Variants in CACNA1I observed in about 807,000 individuals in gnomAD.
The protein encoded by CACNA1I is calcium voltage-gated channel subunit alpha1 I.
CACNA1I carries 74 observed loss-of-function variants against 201.6 expected under a neutral mutation model. The observed-to-expected ratio is 0.37, with a 90% CI of 0.30 to 0.45. CACNA1I has a LOEUF of 0.45. CACNA1I is among the 20% of genes least tolerant of loss of function. CACNA1I has a pLI of 1.00. For synonymous variants in CACNA1I, 1,431 were observed against 1,345.2 expected, an observed-to-expected ratio of 1.06 and a Z score of -1.40; for missense variants, 2,346 against 3,138.1, an observed-to-expected ratio of 0.75 and a Z score of 6.03.
Position 39,634,581 on chromosome 22 carries a change from G to A in CACNA1I, c.597G>A (p.Val199=). 6.2e-7 allele frequency: 1 copy of A among 1,613,896 alleles called. No homozygotes were observed. Among genetic ancestry groups the A allele is most frequent in the Admixed American group, 1.7e-5 (1 of 60,016 alleles). Residue 199 remains valine, a synonymous_variant, in exon 5 of 37, where the codon GTG becomes GTA. Coordinates refer to ENST00000402142, the MANE Select transcript of CACNA1I (RefSeq NM_021096.4). ...CCCTCCCAGGTATGCGGATCCTGGT[G>A]AACCTGCTCCTGGACACACTGCCCA... The part of the protein sequence containing the change: ...INRVPSMRIL[V]NLLLDTLPML...
intron 16 of CACNA1I, among the ~76,000 whole-genome samples, 189 bp from the exon 17 acceptor site, chr22:39,661,776 G>A (rs1935019010): frequency 6.6e-6 from 1 of 152,256 alleles, no homozygotes; most frequent in Non-Finnish European, 1.5e-5. Context: ...GTGCCCCCAT[G>A]TCCCTGTGGA....
intron 4 of CACNA1I, among the ~76,000 whole-genome samples, chr22:39,630,499 C>T (rs1242832105): frequency 2.0e-5 from 3 of 152,220 alleles, no homozygotes; most frequent in Admixed American, 1.3e-4. Context: ...TTCACTCGCC[C>T]ACCGCTCCTT....
At chr22:39,673,270 C>T (rs1935427449) in intron 28 of CACNA1I, among the ~76,000 whole-genome samples, 188 bp downstream of exon 28, 2 of 152,094 alleles carry the variant, frequency 1.3e-5, no homozygotes, top group African/African-American at 4.8e-5. Flanking sequence ...CACACGCATG[C>T]ACCCTCTGTG....
intron 24 of CACNA1I, among the ~76,000 whole-genome samples, chr22:39,669,660 G>GTGGATGGATGGGTGGGTGGATGGA (rs1231425782): frequency 6.5e-4 from 99 of 151,416 alleles, no homozygotes; most frequent in African/African-American, 2.3e-3. Flanking sequence ...GGGTGGATGA[G>GTGGATGGATGGGTGGGTGGATGGA]TGGATGGATG....
Position 39,685,864 on chromosome 22 carries a change from G to T in CACNA1I, c.6131G>T (p.Arg2044Leu). 1 of 1,472,444 alleles carries T rather than the reference G, an allele frequency of 6.8e-7. No individual in the cohort carries two copies. The highest frequency in any genetic ancestry group is 8.9e-7 in the Non-Finnish European group (1 of 1,120,618). The allele number at this position is 1,472,444 out of a possible 1,614,324, so 91.2% of individuals were successfully genotyped here. Residue 2044 changes from arginine (R) to leucine (L), a missense_variant, in exon 37 of 37, where the codon CGT becomes CTT. Arg to Leu is a moderately radical substitution (Grantham distance 102, BLOSUM62 -2). Coordinates refer to ENST00000402142, the MANE Select transcript of CACNA1I (RefSeq NM_021096.4). The surrounding 1 kb of genome is among the most constrained non-coding windows in gnomAD (Gnocchi z 5.0). The part of the protein sequence containing the change: ...DSLTLSDSPR[R>L]ALGPPAPAPG... ...CTGACCCTGAGCGACAGCCCCCGGC[G>T]TGCCCTGGGGCCGCCCGCGCCTGCT...
At chr22:39,672,701 C>T (rs995335565) in intron 27 of CACNA1I, among the ~76,000 whole-genome samples, 5 of 152,198 alleles carry the variant, frequency 3.3e-5, no homozygotes, top group Non-Finnish European at 5.9e-5. Flanking sequence ...TGCCTCCTCT[C>T]CTGCAGGAGG....
At chr22:39,575,500 A>G (rs919918023) in intron 1 of CACNA1I, among the ~76,000 whole-genome samples, 3 of 152,056 alleles carry the variant, frequency 2.0e-5, no homozygotes, top group Admixed American at 1.3e-4. Flanking sequence ...CTTGCTGTAG[A>G]TTCAATTAGA....
intron 31 of CACNA1I, among the ~76,000 whole-genome samples, chr22:39,678,508 G>C (rs1266856897): frequency 6.6e-6 from 1 of 152,216 alleles, no homozygotes; most frequent in Non-Finnish European, 1.5e-5. Context: ...AGGGCAGGGA[G>C]GGGCTCCCAG....
intron 3 of CACNA1I, among the ~76,000 whole-genome samples, chr22:39,602,554 T>A (rs80279269): frequency 0.14 from 352 of 2,554 alleles, no homozygotes; most frequent in Non-Finnish European, 0.23. Context: ...CTTTAAGTAG[T>A]TTTTTTTTAA....
intron 2 of CACNA1I, among the ~76,000 whole-genome samples, chr22:39,598,905 G>C (rs1932955856): frequency 1.4e-5 from 2 of 145,550 alleles, no homozygotes; most frequent in Admixed American, 1.4e-4. Context: ...GGGAAAGCCA[G>C]ATTCCTCCCG....
Position 39,689,716 on chromosome 22 carries a change from C to T in CACNA1I, c.*3311C>T, listed in dbSNP as rs566373166. 1.2e-4 allele frequency: 18 copies of T among 152,846 alleles called. No individual in the cohort carries two copies. Among genetic ancestry groups the T allele is most frequent in the South Asian group, 6.2e-4 (3 of 4,834 alleles). The allele number at this position is 152,846 out of a possible 1,614,324, so 9.5% of individuals were successfully genotyped here. On this transcript the variant is annotated 3_prime_UTR_variant, in exon 37 of 37. Coordinates refer to ENST00000402142, the MANE Select transcript of CACNA1I (RefSeq NM_021096.4). The stretch of plus-strand genomic sequence containing the variant: ...CCACCAGTGTTGTTTTGAATAAAAG[C>T]CCAGAAGCCTATTTAAGAATTTCTC...
At chr22:39,645,068 C>A (rs1325059809) in intron 7 of CACNA1I, among the ~76,000 whole-genome samples, 1 of 151,912 alleles carries the variant, frequency 6.6e-6, no homozygotes, top group East Asian at 1.9e-4. Flanking sequence ...CTCACTGCAA[C>A]CTCTGCCTTC....
At chr22:39,626,807 G>T (rs765750138) in intron 4 of CACNA1I, among the ~76,000 whole-genome samples, 1 of 152,162 alleles carries the variant, frequency 6.6e-6, no homozygotes, top group Non-Finnish European at 1.5e-5. Flanking sequence ...ATGTTGGCCA[G>T]GATGGTCTTG....
chr22:39,666,272 C>T lies in CACNA1I; in HGVS notation c.4104+266C>T, dbSNP rs145195558. Among the ~76,000 whole-genome samples, 48 of 152,006 alleles carry T rather than the reference C, an allele frequency of 3.2e-4. No individual in the cohort carries two copies. In the Middle Eastern group the frequency reaches 0.01, roughly 32 times the overall value. The stretch of plus-strand genomic sequence containing the variant: ...TGAACATTGGTTCTTGGCTCCCACC[C>T]CCGACCCAGGGACCCCTGACAGGAG... On this transcript the variant is annotated intron_variant, in intron 23 of 36. Transcript: ENST00000402142. This position sits in a 1 kb window ranked among gnomAD's most constrained non-coding sequence, Gnocchi z 4.1.
At chr22:39,650,371 T>C (rs1234861274) in intron 10 of CACNA1I, among the ~76,000 whole-genome samples, 1 of 151,172 alleles carries the variant, frequency 6.6e-6, no homozygotes, top group Admixed American at 6.6e-5. Context: ...CAGGCTGGAG[T>C]GCAGTGGCAC....
chr22:39,682,489 C>T lies in CACNA1I; in HGVS notation c.5665-7C>T. 6.2e-7 allele frequency: 1 copy of T among 1,612,580 alleles called. No individual in the cohort carries two copies. Among genetic ancestry groups the T allele is most frequent in the Non-Finnish European group, 8.5e-7 (1 of 1,179,122 alleles). On this transcript the variant is annotated splice_region_variant and splice_polypyrimidine_tract_variant and intron_variant, in intron 34 of 36. Transcript: ENST00000402142. Reference sequence around the variant, plus strand: ...TCCTGCCCCATCCTACCTCCCTTTCCTTGCAGGGTGAGCTGGACCCACCTG... The same window carrying T: ...TCCTGCCCCATCCTACCTCCCTTTCTTTGCAGGGTGAGCTGGACCCACCTG...
intron 10 of CACNA1I, among the ~76,000 whole-genome samples, chr22:39,652,689 G>A (rs928032621): frequency 7.2e-5 from 11 of 152,186 alleles, no homozygotes; most frequent in African/African-American, 2.4e-4. Context: ...AGGATCACTT[G>A]AGCCCAGCAG....
At chr22:39,664,621 G>T (rs1330829783) in intron 20 of CACNA1I, 118 bp from the exon 21 acceptor site, 2 of 156,930 alleles carry the variant, frequency 1.3e-5, no homozygotes, top group Non-Finnish European at 2.5e-5. Flanking sequence ...GCAGGACCCC[G>T]CCCCCTCCCC....
chr22:39,597,575 A>G (rs116759486), intron 1 of CACNA1I, among the ~76,000 whole-genome samples: 268 of 152,350 alleles, frequency 1.8e-3, no homozygotes, highest in African/African-American at 6.3e-3. Context: ...CATGTGGTGC[A>G]GGCCAGGGCT....
Sources: allele counts gnomAD v4.1 joint callset (sites outside exome capture counted in the v4.1 genomes callset), GRCh38; gene constraint gnomAD v4.1.1; non-coding constraint Gnocchi (gnomAD v3.1); transcripts MANE v1.5; gene names NCBI Gene and HGNC (gene_info 2026-07-23, HGNC 2026-07-21).